The following ATP11A variants were observed in gnomAD, a reference collection of about 807,000 sequenced individuals.
ATP11A encodes phospholipid-transporting ATPase IH.
In ATP11A, 81 loss-of-function variants were observed where a neutral mutation model predicts 154.4. The ratio of observed to expected loss-of-function variants is 0.52; its 90% CI spans 0.44 to 0.63. The LOEUF (loss-of-function observed/expected upper bound fraction) is 0.63, where lower values mean the gene tolerates loss of function less well. ATP11A is among the 30% of genes least tolerant of loss of function. The pLI is 0.00. For synonymous variants in ATP11A, 623 were observed against 585.9 expected, an observed-to-expected ratio of 1.06 and a Z score of -0.91; for missense variants, 1,316 against 1,474.3, an observed-to-expected ratio of 0.89 and a Z score of 1.76.
intron 1 of ATP11A, chr13:112,745,648 A>C (rs1892044052): frequency 6.6e-6 from 1 of 152,214 alleles, no homozygotes; most frequent in African/African-American, 2.4e-5. Flanking sequence ...TATGAGAATG[A>C]GTGAGGAAAG....
intron 15 of ATP11A, 148 bp from the exon 16 acceptor site, chr13:112,836,030 A>G: frequency 1.9e-6 from 1 of 522,644 alleles, no homozygotes; most frequent in Non-Finnish European, 3.4e-6. Flanking sequence ...CCATGGGAGG[A>G]CACCCCTCAC....
chr13:112,715,865 G>T (rs1490384480), intron 1 of ATP11A, among the ~76,000 whole-genome samples: 1 of 151,844 alleles, frequency 6.6e-6, no homozygotes, highest in African/African-American at 2.4e-5. Context: ...TTGCCAGAGA[G>T]ACAGAGTGTA....
rs1456290297 is a variant in ATP11A at position 112,742,893 on chromosome 13, C to T, written c.40-42242C>T. On this transcript the variant is annotated intron_variant, in intron 1 of 29. Transcript: ENST00000375645. The stretch of plus-strand genomic sequence containing the variant: ...TAGCGAGACTTTCTGCAGATAGACA[C>T]CTGTTTTTCCTTATTGTGTACGTGG... 3.9e-5 allele frequency among the ~76,000 whole-genome samples: 6 copies of T among 152,208 alleles called. No individual in the cohort carries two copies. The East Asian group carries it at 9.6e-4, about 24-fold the overall frequency.
At chr13:112,764,599 T>C (rs74691010) in intron 1 of ATP11A, among the ~76,000 whole-genome samples, 10,466 of 152,192 alleles carry the variant, frequency 0.069, 1,185 homozygotes, top group African/African-American at 0.23. Flanking sequence ...GCTGCAGGGA[T>C]GGCATTAAAG....
At chr13:112,802,307 C>G (rs1173831434) in intron 2 of ATP11A, among the ~76,000 whole-genome samples, 3 of 152,124 alleles carry the variant, frequency 2.0e-5, no homozygotes, top group Non-Finnish European at 4.4e-5. Context: ...GATCGCGCCA[C>G]TGCACTCCAG....
chr13:112,775,552 G>A (rs552786649), intron 1 of ATP11A, among the ~76,000 whole-genome samples: 18 of 152,236 alleles, frequency 1.2e-4, no homozygotes, highest in African/African-American at 3.1e-4. Flanking sequence ...AGAAGGAGGC[G>A]AATACTTTCA....
At chr13:112,820,213 G>A (rs1331294881) in intron 8 of ATP11A, among the ~76,000 whole-genome samples, 4 of 152,228 alleles carry the variant, frequency 2.6e-5, no homozygotes, top group South Asian at 2.1e-4. Context: ...GCCAGGAGGC[G>A]TCAGGGTCCC....
intron 1 of ATP11A, among the ~76,000 whole-genome samples, chr13:112,738,964 C>G (rs1304792273): frequency 6.6e-6 from 1 of 152,048 alleles, no homozygotes; most frequent in Non-Finnish European, 1.5e-5. Context: ...CTCCATGGAG[C>G]CTAGCAGAGG....
At chr13:112,866,280 A>G (rs1490253156) in intron 25 of ATP11A, among the ~76,000 whole-genome samples, 2 of 152,198 alleles carry the variant, frequency 1.3e-5, no homozygotes, top group Admixed American at 1.3e-4. Context: ...TTGTCGGTAG[A>G]AACGCTGTTA....
intron 1 of ATP11A, among the ~76,000 whole-genome samples, chr13:112,761,054 G>C (rs2076949909): frequency 1.3e-5 from 2 of 152,206 alleles, no homozygotes; most frequent in South Asian, 4.1e-4. Context: ...GGCTCCGCCT[G>C]CTCCATCGCT....
intron 5 of ATP11A, among the ~76,000 whole-genome samples, chr13:112,813,351 T>G (rs539222622): frequency 6.6e-6 from 1 of 152,344 alleles, no homozygotes; most frequent in Admixed American, 6.5e-5. Flanking sequence ...GGATATGATA[T>G]AAAGAGAATC....
intron 16 of ATP11A, among the ~76,000 whole-genome samples, chr13:112,840,177 C>A (rs1382096027): frequency 2.7e-5 from 3 of 111,528 alleles, no homozygotes; most frequent in African/African-American, 3.9e-5. Context: ...TCCCCCCCAG[C>A]CTCAGCCTCC....
chr13:112,801,354 C>T (rs9550214), intron 2 of ATP11A, among the ~76,000 whole-genome samples: 28,254 of 125,226 alleles, frequency 0.23, 3,173 homozygotes, highest in Middle Eastern at 0.32. Flanking sequence ...TGGTGAAAAA[C>T]GAGATGATTT....
intron 1 of ATP11A, among the ~76,000 whole-genome samples, chr13:112,702,861 C>G (rs2139507867): frequency 6.6e-6 from 1 of 152,290 alleles, no homozygotes; most frequent in South Asian, 2.1e-4. Flanking sequence ...CAGCGTCTCA[C>G]CAGCAAAGTG....
chr13:112,851,250 GAC>G (rs746451540), intron 18 of ATP11A, 32 bp downstream of exon 18: 2 of 1,592,908 alleles, frequency 1.3e-6, no homozygotes, highest in Non-Finnish European at 8.6e-7. Context: ...CGTCCTGAGA[GAC>G]AAACTGGGAT....
Position 112,690,377 on chromosome 13 carries a change from G to T in ATP11A, c.-40G>T, listed in dbSNP as rs1489712444. On this transcript the variant is annotated 5_prime_UTR_variant, in exon 1 of 30. Transcript: ENST00000375645. This position sits in a 1 kb window ranked among gnomAD's most constrained non-coding sequence, Gnocchi z 5.6. ...CCCATGGGCGCGCCGAGCCGGGCGC[G>T]GGGGCGCTGAACGGCGGAGCGGGAG... 7 of 1,260,984 alleles carry T rather than the reference G, an allele frequency of 5.6e-6. No homozygotes were observed. The highest frequency in any genetic ancestry group is 7.0e-6 in the Non-Finnish European group (7 of 1,003,536). 78.1% of individuals were successfully genotyped at this position (1,260,984 alleles called of 1,614,324 possible).
chr13:112,770,755 C>T (rs749836572), intron 1 of ATP11A, among the ~76,000 whole-genome samples: 1 of 152,206 alleles, frequency 6.6e-6, no homozygotes, highest in African/African-American at 2.4e-5. Context: ...AGGCTCCACG[C>T]GCCGCTTCCC....
chr13:112,855,878 T>A (rs778081028), intron 19 of ATP11A, 33 bp from the exon 20 acceptor site: 1 of 1,560,680 alleles, frequency 6.4e-7, no homozygotes, highest in Non-Finnish European at 8.7e-7. Flanking sequence ...ATTTAGTGAT[T>A]GAGCAATCTT....
chr13:112,772,678 G>C (rs987892511), intron 1 of ATP11A, among the ~76,000 whole-genome samples: 4 of 152,154 alleles, frequency 2.6e-5, no homozygotes, highest in African/African-American at 9.7e-5. Context: ...CTGGGCAGCT[G>C]CTAATGCACC....
Sources: allele counts gnomAD v4.1 joint callset (sites outside exome capture counted in the v4.1 genomes callset), GRCh38; gene constraint gnomAD v4.1.1; non-coding constraint Gnocchi (gnomAD v3.1); transcripts MANE v1.5; gene names NCBI Gene and HGNC (gene_info 2026-07-23, HGNC 2026-07-21).